The following GPNMB variants were observed in gnomAD, a reference collection of about 807,000 sequenced individuals.
GPNMB encodes the protein transmembrane glycoprotein NMB.
GPNMB carries 71 observed loss-of-function variants against 57.3 expected under a neutral mutation model. The observed-to-expected ratio is 1.24, with a 90% CI of 1.02 to 1.51. The LOEUF (loss-of-function observed/expected upper bound fraction) is 1.51. GPNMB is among the 40% of genes most tolerant of loss of function. The pLI is 0.00. For synonymous variants in GPNMB, 253 were observed against 263.2 expected, an observed-to-expected ratio of 0.96 and a Z score of 0.38; for missense variants, 677 against 691.9, an observed-to-expected ratio of 0.98 and a Z score of 0.24.
intron 6 of GPNMB, among the ~76,000 whole-genome samples, chr7:23,265,135 AGT>A (rs959314111): frequency 6.6e-6 from 1 of 152,192 alleles, no homozygotes; most frequent in African/African-American, 2.4e-5. Flanking sequence ...CATTTCCCAA[AGT>A]GTGTGCCATG....
At chr7:23,262,608 CTTTTTTTTTTTT>C (rs58011121) in intron 6 of GPNMB, among the ~76,000 whole-genome samples, 5 of 62,800 alleles carry the variant, frequency 8.0e-5, no homozygotes, top group Admixed American at 2.9e-4. Context: ...TCACCATTCT[CTTTTTTTTTTTT>C]TTTTTTTTTT....
chr7:23,261,695 G>A (rs997239194), intron 6 of GPNMB, among the ~76,000 whole-genome samples: 22 of 152,024 alleles, frequency 1.4e-4, no homozygotes, highest in African/African-American at 4.6e-4. Flanking sequence ...ACGAGTTAAT[G>A]GGTGCAGCAC....
At chr7:23,259,831 C>T (rs1309809927) in intron 4 of GPNMB, 149 bp from the exon 5 acceptor site, 6 of 630,302 alleles carry the variant, frequency 9.5e-6, no homozygotes, top group Non-Finnish European at 1.7e-5. Context: ...AAATGAGCAC[C>T]ATCTCCCTTT....
Position 23,260,740 on chromosome 7 carries a change from C to T in GPNMB, c.985C>T (p.Pro329Ser). 1 of 1,574,638 alleles carries T rather than the reference C, an allele frequency of 6.4e-7. No homozygotes were observed. Among genetic ancestry groups the T allele is most frequent in the Non-Finnish European group, 8.6e-7 (1 of 1,159,262 alleles). Residue 329 changes from proline to serine, a missense_variant, in exon 6 of 11, where the codon CCA becomes TCA. By Grantham distance (74) the Pro-to-Ser change is moderately conservative. Coordinates refer to ENST00000258733, the MANE Select transcript of GPNMB (RefSeq NM_002510.3). Reference protein sequence around the residue: ...APGPCPPPPPPPRPSKPTPSL... With the variant: ...APGPCPPPPPSPRPSKPTPSL... ...AGGACCTTGTCCGCCACCGCCACCA[C>T]CACCCAGACCTTCAAAACCCACCCC...
rs369282413 is a variant in GPNMB at position 23,253,426 on chromosome 7, C to T, written c.190C>T (p.Arg64Trp). Residue 64 changes from arginine (R) to tryptophan (W), a missense_variant, in exon 2 of 11, where the codon CGG (arginine) becomes TGG (tryptophan). Physicochemically the swap from Arg to Trp is moderately radical, Grantham distance 101 (BLOSUM62 -3). Transcript: ENST00000258733. ...TGAAAAACTCTACCCAGTGTGGAAG[C>T]GGGGAGACATGAGGTGGAAAAACTC... ...WNEKLYPVWK[R>W]GDMRWKNSWK... 50 of 1,613,582 alleles carry T rather than the reference C, an allele frequency of 3.1e-5. No individual in the cohort carries two copies. The highest frequency in any genetic ancestry group is 2.0e-4 in the Admixed American group (12 of 59,960).
intron 1 of GPNMB, among the ~76,000 whole-genome samples, chr7:23,252,540 G>T (rs1782684626): frequency 6.6e-6 from 1 of 152,166 alleles, no homozygotes; most frequent in East Asian, 1.9e-4. Context: ...TGAGAAAAGG[G>T]TCAGTTCATC....
At chr7:23,270,541 A>G (rs1022072830) in intron 9 of GPNMB, among the ~76,000 whole-genome samples, 7 of 152,232 alleles carry the variant, frequency 4.6e-5, no homozygotes, top group African/African-American at 1.7e-4. Flanking sequence ...TGAAACAACA[A>G]CAAAGGAGAG....
intron 9 of GPNMB, among the ~76,000 whole-genome samples, chr7:23,271,832 A>AT (rs1271579884): frequency 2.6e-5 from 4 of 152,242 alleles, no homozygotes; most frequent in Non-Finnish European, 2.9e-5. Flanking sequence ...TAAAAAAAAA[A>AT]TTTTCTCATT....
At chr7:23,273,361 C>T in intron 9 of GPNMB, 160 bp from the exon 10 acceptor site, 1 of 594,460 alleles carries the variant, frequency 1.7e-6, no homozygotes, top group Non-Finnish European at 3.0e-6. Context: ...ATAAGCTGAC[C>T]CAAAGACTAT....
chr7:23,259,966 C>T lies in GPNMB; in HGVS notation c.542-14C>T. Reference sequence around the variant, plus strand: ...TAATGCAGCCAATAACTAAAAATTTCCATCCTCCCAAAGGTCAGTATTTCC... The same window carrying T: ...TAATGCAGCCAATAACTAAAAATTTTCATCCTCCCAAAGGTCAGTATTTCC... On this transcript the variant is annotated splice_polypyrimidine_tract_variant and intron_variant, in intron 4 of 10. Coordinates refer to ENST00000258733, the MANE Select transcript of GPNMB (RefSeq NM_002510.3). The T allele has an allele frequency of 1.2e-6, 2 of 1,612,872 alleles. No homozygotes were observed. Among genetic ancestry groups the T allele is most frequent in the Non-Finnish European group, 1.7e-6 (2 of 1,179,042 alleles).
chr7:23,273,584 T>A lies in GPNMB; in HGVS notation c.1493T>A (p.Phe498Tyr). Residue 498 changes from phenylalanine (F) to tyrosine (Y), a missense_variant, in exon 10 of 11, where the codon TTT (phenylalanine) becomes TAT (tyrosine). Phe to Tyr is a conservative substitution (Grantham distance 22). Transcript: ENST00000258733. ...ALISVGCLAI[F>Y]VTVISLLVYK... ...ATCTCCGTTGGCTGCTTGGCCATAT[T>A]TGTCACTGTGATCTCCCTCTTGGTG... The A allele has an allele frequency of 6.2e-7, 1 of 1,613,280 alleles. No individual in the cohort carries two copies. The highest frequency in any genetic ancestry group is 1.1e-5 in the South Asian group (1 of 91,068).
At chr7:23,273,292 T>C (rs867916850) in intron 9 of GPNMB, 6 of 484,792 alleles carry the variant, frequency 1.2e-5, no homozygotes, top group African/African-American at 9.9e-5. Flanking sequence ...ACGTGACATC[T>C]CTCCCCCGCG....
intron 6 of GPNMB, among the ~76,000 whole-genome samples, chr7:23,261,623 G>A (rs894365370): frequency 6.6e-6 from 1 of 152,022 alleles, no homozygotes; most frequent in Non-Finnish European, 1.5e-5. Context: ...ACACACCAGG[G>A]CCTGTCGGGG....
At chr7:23,270,263 A>G in intron 9 of GPNMB, 88 bp downstream of exon 9, 1 of 809,438 alleles carries the variant, frequency 1.2e-6, no homozygotes, top group East Asian at 2.6e-5. Context: ...CTTTGTTTTC[A>G]ATGTTTAATT....
At chr7:23,264,569 G>A (rs897940393) in intron 6 of GPNMB, among the ~76,000 whole-genome samples, 1 of 151,870 alleles carries the variant, frequency 6.6e-6, no homozygotes, top group African/African-American at 2.4e-5. Flanking sequence ...TGGAGACTAG[G>A]TTCCACCATG....
intron 9 of GPNMB, among the ~76,000 whole-genome samples, chr7:23,272,122 C>A (rs1783221980): frequency 6.6e-6 from 1 of 152,192 alleles, no homozygotes; most frequent in Non-Finnish European, 1.5e-5. Context: ...CCATCAGAAG[C>A]TGCTAATGTT....
rs369065423 is a variant in GPNMB at position 23,254,164 on chromosome 7, C to T, written c.224-5C>T. Reference sequence around the variant, plus strand: ...ATCATCGAGCCCCACTTTTTTATACCCTAGGAGGCCGTGTGCAGGCGGTCC... The same window carrying T: ...ATCATCGAGCCCCACTTTTTTATACTCTAGGAGGCCGTGTGCAGGCGGTCC... On this transcript the variant is annotated splice_region_variant and splice_polypyrimidine_tract_variant and intron_variant, in intron 2 of 10. Transcript: ENST00000258733. The T allele has an allele frequency of 6.2e-6, 10 of 1,607,816 alleles. No individual in the cohort carries two copies. Among genetic ancestry groups the T allele is most frequent in the Non-Finnish European group, 7.6e-6 (9 of 1,177,574 alleles).
Position 23,256,961 on chromosome 7 carries a change from A to G in GPNMB, c.437A>G (p.Asn146Ser), listed in dbSNP as rs746942137. 1.2e-6 allele frequency: 2 copies of G among 1,614,124 alleles called. No homozygotes were observed. Among genetic ancestry groups the G allele is most frequent in the Admixed American group, 1.7e-5 (1 of 60,026 alleles). Residue 146 changes from asparagine (N) to serine (S), a missense_variant, in exon 4 of 11, where the codon AAT becomes AGT. Transcript: ENST00000258733. ...TAWSEDSDGE[N>S]GTGQSHHNVF... ...TGGTCAGAGGACAGTGACGGGGAAA[A>G]TGGCACCGGCCAAAGCCATCATAAC... is the stretch of plus-strand genomic sequence containing the variant.
intron 8 of GPNMB, 60 bp from the exon 9 acceptor site, chr7:23,269,907 G>A: frequency 9.0e-7 from 1 of 1,106,222 alleles, no homozygotes; most frequent in Non-Finnish European, 1.4e-6. Flanking sequence ...AAATGGATCT[G>A]ACCTTCCTCT....
Sources: allele counts gnomAD v4.1 joint callset (sites outside exome capture counted in the v4.1 genomes callset), GRCh38; gene constraint gnomAD v4.1.1; transcripts MANE v1.5; gene names NCBI Gene and HGNC (gene_info 2026-07-23, HGNC 2026-07-21).